Variants in PRRC2B observed in about 807,000 individuals in gnomAD.
PRRC2B encodes the protein proline rich coiled-coil 2B, also known as protein PRRC2B.
Under a neutral mutation model 242.3 loss-of-function variants are expected in PRRC2B, and 68 were observed. The observed-to-expected ratio is 0.28, with a 90% CI of 0.23 to 0.34. The LOEUF (loss-of-function observed/expected upper bound fraction) is 0.34, where lower values mean the gene tolerates loss of function less well. Ranked by LOEUF, PRRC2B falls within the 10% of genes least tolerant of loss-of-function variation. The pLI, the probability that PRRC2B is intolerant of heterozygous loss-of-function variation, is 1.00. For missense variants in PRRC2B, 2,835 were observed against 2,954.8 expected (o/e 0.96, Z 0.94); for synonymous variants, 1,228 against 1,173.6 (o/e 1.05, Z -0.95).
chr9:131,425,549 C>T (rs998359381), intron 1 of PRRC2B, among the ~76,000 whole-genome samples: 11 of 151,756 alleles, frequency 7.2e-5, no homozygotes, highest in South Asian at 4.2e-4. Context: ...CGTGCAGTGG[C>T]GCGATCTCAG....
At chr9:131,439,112 G>A in intron 5 of PRRC2B, 51 bp downstream of exon 5, 1 of 1,514,168 alleles carries the variant, frequency 6.6e-7, no homozygotes, top group South Asian at 1.1e-5. Context: ...AGAGGGAGGT[G>A]AATGCCTTTT....
chr9:131,420,457 C>CTT (rs1210723760), intron 1 of PRRC2B, among the ~76,000 whole-genome samples: 146 of 10,240 alleles, frequency 0.014, no homozygotes, highest in Non-Finnish European at 0.021. Context: ...TTTTCTTTTT[C>CTT]TTTCTTTCTT....
At position 131,476,009 on chromosome 9, in the gene PRRC2B, G is replaced by A. The variant is rs1411571261; in HGVS notation, c.3880G>A (p.Ala1294Thr). The A allele has an allele frequency of 6.2e-7, 1 of 1,607,168 alleles. No individual in the cohort carries two copies. Reference sequence around the variant, plus strand: ...TGAACACGTGGCAGATTCTGAAAATGCAGAGAACCGGCCCTTCAGGAGAAG... The same window carrying A: ...TGAACACGTGGCAGATTCTGAAAATACAGAGAACCGGCCCTTCAGGAGAAG... Reference protein sequence around the residue: ...QDEHVADSENAENRPFRRRRP... With the variant: ...QDEHVADSENTENRPFRRRRP... Residue 1294 changes from alanine (A) to threonine (T), a missense_variant, in exon 16 of 32, where the codon GCA becomes ACA. This residue lies in a region of PRRC2B where 1,536 missense variants were observed against 1,483.1 expected (regional missense o/e 1.04). Coordinates refer to ENST00000683519, the MANE Select transcript of PRRC2B (RefSeq NM_013318.4).
chr9:131,405,209 C>T (rs776758984), intron 1 of PRRC2B, among the ~76,000 whole-genome samples: 46 of 152,220 alleles, frequency 3.0e-4, no homozygotes, highest in Non-Finnish European at 5.4e-4. Context: ...CAGAAGCGGC[C>T]ACTGGAGGAG....
intron 1 of PRRC2B, among the ~76,000 whole-genome samples, chr9:131,405,638 G>A (rs1338697874): frequency 6.6e-6 from 1 of 152,166 alleles, no homozygotes; most frequent in Admixed American, 6.6e-5. Flanking sequence ...CCTGGGTGGT[G>A]GTGTTTCATC....
chr9:131,486,275 G>A, intron 26 of PRRC2B, 93 bp downstream of exon 26: 6 of 968,490 alleles, frequency 6.2e-6, no homozygotes, highest in Non-Finnish European at 9.4e-6. Context: ...CTCATTGTCT[G>A]TCTGGTTTTC....
chr9:131,392,097 TTC>T (rs1274451695), upstream of PRRC2B, among the ~76,000 whole-genome samples: 1 of 151,192 alleles, frequency 6.6e-6, no homozygotes, highest in East Asian at 1.9e-4. Context: ...CTTGTTTATT[TTC>T]TTTCTTTTTT....
At chr9:131,422,009 T>C (rs1837855090) in intron 1 of PRRC2B, among the ~76,000 whole-genome samples, 1 of 152,188 alleles carries the variant, frequency 6.6e-6, no homozygotes, top group African/African-American at 2.4e-5. Flanking sequence ...TCGGCAGCCT[T>C]GTGACCTTGG....
intron 11 of PRRC2B, among the ~76,000 whole-genome samples, chr9:131,462,266 G>A (rs1312613355): frequency 6.6e-6 from 1 of 152,098 alleles, no homozygotes; most frequent in Admixed American, 6.5e-5. Context: ...ATGCTGGAGT[G>A]CAGTGGTGTG....
chr9:131,383,761 A>G lies in PRRC2B; in HGVS notation c.-56+10030A>G, dbSNP rs368625340. 3.4e-4 allele frequency among the ~76,000 whole-genome samples: 51 copies of G among 151,958 alleles called. No individual in the cohort carries two copies. In the East Asian group the frequency reaches 6.0e-3, roughly 18 times the overall value. ...CTCAGCCTCCCAAATAGCTGGGACT[A>G]CAGATGCCCACCACCATGCCCAGCT... On this transcript the variant is annotated intron_variant, in intron 1 of 1. Transcript: ENST00000682525.
rs1473110206 is a variant in PRRC2B, at chr9:131,476,169, C to T, written c.4040C>T (p.Ser1347Phe). 12 of 1,613,324 alleles carry T rather than the reference C, an allele frequency of 7.4e-6. No homozygotes were observed. Among genetic ancestry groups the T allele is most frequent in the Non-Finnish European group, 1.0e-5 (12 of 1,179,876 alleles). ...GQWPGRPKLC[S>F]GDKSGTVGRR... ...TGGCCAGGCAGGCCCAAACTGTGTT[C>T]TGGGGACAAGAGTGGCACTGTGGGC... The change falls in exon 16 of 32, where the codon TCT becomes TTT. Residue 1347 changes from serine (S) to phenylalanine (F), a missense_variant. Ser to Phe is a radical substitution (Grantham distance 155). Coordinates refer to ENST00000683519, the MANE Select transcript of PRRC2B (RefSeq NM_013318.4).
chr9:131,436,250 A>C (rs890283416), intron 3 of PRRC2B, among the ~76,000 whole-genome samples: 38 of 152,294 alleles, frequency 2.5e-4, no homozygotes, highest in South Asian at 6.2e-4. Context: ...CTGTAGTCCC[A>C]CCTACTCAGA....
At chr9:131,403,471 C>A (rs1837278408) in intron 1 of PRRC2B, among the ~76,000 whole-genome samples, 1 of 151,860 alleles carries the variant, frequency 6.6e-6, no homozygotes, top group Non-Finnish European at 1.5e-5. Context: ...CCTGCCTCAG[C>A]CTCTTGAGTA....
chr9:131,471,050 T>C (rs2131437538), intron 14 of PRRC2B, 67 bp downstream of exon 14: 2 of 1,194,472 alleles, frequency 1.7e-6, no homozygotes, highest in East Asian at 2.7e-5. Flanking sequence ...AAGGGTGTCC[T>C]CTCGAGTTAA....
At chr9:131,469,162 C>G (rs1356355954) in intron 13 of PRRC2B, among the ~76,000 whole-genome samples, 1 of 151,954 alleles carries the variant, frequency 6.6e-6, no homozygotes, top group Non-Finnish European at 1.5e-5. Flanking sequence ...GGTGAAACCC[C>G]ATCTCTACTA....
At chr9:131,390,205 G>A (rs916309813), upstream of PRRC2B, among the ~76,000 whole-genome samples, 3 of 150,036 alleles carry the variant, frequency 2.0e-5, no homozygotes, top group African/African-American at 7.3e-5. Context: ...GAGCCACTGC[G>A]TCTGGCCTGT....
intron 1 of PRRC2B, among the ~76,000 whole-genome samples, chr9:131,395,986 CTTGT>C (rs1588236183): frequency 1.3e-5 from 2 of 152,150 alleles, no homozygotes; most frequent in East Asian, 3.9e-4. Flanking sequence ...TGAGTTTCTA[CTTGT>C]TTGGGCAAGT....
chr9:131,403,360 A>T (rs57036177), intron 1 of PRRC2B, among the ~76,000 whole-genome samples: 2,133 of 150,676 alleles, frequency 0.014, 51 homozygotes, highest in African/African-American at 0.049. Flanking sequence ...TTATTTATTT[A>T]TTTTTTTTTG....
chr9:131,486,350 C>G (rs888187070), intron 26 of PRRC2B, 168 bp downstream of exon 26: 1 of 457,490 alleles, frequency 2.2e-6, no homozygotes, highest in Non-Finnish European at 2.9e-6. Flanking sequence ...ATTTGTTAAG[C>G]GAATAATCGA....
Sources: gnomAD v4.1 joint callset for allele counts (sites outside exome capture counted in the v4.1 genomes callset) on GRCh38, gnomAD v4.1.1 for gene constraint, gnomAD v4.1.1 regional missense constraint, MANE v1.5 for transcripts, NCBI Gene and HGNC (gene_info 2026-07-23, HGNC 2026-07-21) for gene names.